CEP112: variants seen among roughly 807,000 people sequenced by gnomAD.
The protein encoded by CEP112 is centrosomal protein 112, also known as centrosomal protein of 112 kDa.
CEP112 carries 127 observed loss-of-function variants against 153.0 expected under a neutral mutation model. The observed-to-expected ratio is 0.83, with a 90% CI of 0.72 to 0.96. CEP112 has a LOEUF of 0.96. CEP112 is among the 40% of genes least tolerant of loss of function. The pLI, the probability that CEP112 is intolerant of heterozygous loss-of-function variation, is 0.00. For missense variants in CEP112, 1,089 were observed against 1,101.2 expected, an observed-to-expected ratio of 0.99 and a Z score of 0.16; for synonymous variants, 358 against 374.4, an observed-to-expected ratio of 0.96 and a Z score of 0.51.
chr17:65,707,986 T>G (rs571325626), intron 23 of CEP112, among the ~76,000 whole-genome samples: 1 of 152,302 alleles, frequency 6.6e-6, no homozygotes, highest in African/African-American at 2.4e-5. Context: ...TAGTTGAAAA[T>G]GTGTTCAACC....
chr17:66,014,242 C>T (rs918084912), intron 16 of CEP112, among the ~76,000 whole-genome samples: 3 of 152,104 alleles, frequency 2.0e-5, no homozygotes, highest in African/African-American at 7.2e-5. Flanking sequence ...GTGGGGGCCA[C>T]TCTGCTGGAG....
At chr17:65,877,564 G>C (rs924150405) in intron 20 of CEP112, among the ~76,000 whole-genome samples, 2 of 152,028 alleles carry the variant, frequency 1.3e-5, no homozygotes, top group African/African-American at 4.8e-5. Flanking sequence ...TGCCATAAAT[G>C]GTCTCAGGGA....
chr17:66,028,562 GA>G (rs1246910893), intron 14 of CEP112, among the ~76,000 whole-genome samples, 157 bp from the exon 15 acceptor site: 8 of 151,476 alleles, frequency 5.3e-5, no homozygotes, highest in Non-Finnish European at 4.4e-5. Flanking sequence ...AAAGATACTA[GA>G]AAAAATAATC....
intron 2 of CEP112, among the ~76,000 whole-genome samples, chr17:66,177,706 T>C (rs9899047): frequency 0.3 from 45,939 of 151,992 alleles, 7,101 homozygotes; most frequent in Non-Finnish European, 0.33. Flanking sequence ...TAACCATCCC[T>C]ACTTCCTCCC....
chr17:66,098,872 T>C (rs1243133131), intron 6 of CEP112, among the ~76,000 whole-genome samples: 1 of 152,074 alleles, frequency 6.6e-6, no homozygotes, highest in African/African-American at 2.4e-5. Context: ...TCAGCAGAAT[T>C]AGATCCTGAG....
chr17:65,671,474 G>A (rs1567841708), intron 24 of CEP112, among the ~76,000 whole-genome samples: 1 of 152,174 alleles, frequency 6.6e-6, no homozygotes, highest in Non-Finnish European at 1.5e-5. Context: ...AGAGGACTTG[G>A]AGGCTTTCTG....
At chr17:66,124,001 C>T (rs2069722954) in intron 6 of CEP112, among the ~76,000 whole-genome samples, 2 of 152,200 alleles carry the variant, frequency 1.3e-5, no homozygotes. Context: ...AATTCCATCT[C>T]TCCTACGGAC....
chr17:65,783,258 GTAA>G (rs899302590), intron 21 of CEP112, among the ~76,000 whole-genome samples: 2 of 152,108 alleles, frequency 1.3e-5, no homozygotes, highest in Non-Finnish European at 2.9e-5. Flanking sequence ...AATGGCAATA[GTAA>G]TAATAATAAT....
At chr17:66,097,547 C>T (rs1440946619) in intron 6 of CEP112, among the ~76,000 whole-genome samples, 1 of 152,126 alleles carries the variant, frequency 6.6e-6, no homozygotes, top group African/African-American at 2.4e-5. Flanking sequence ...TACCTGATTC[C>T]ACCTTCTTAT....
chr17:65,983,044 G>T (rs2063285188), intron 17 of CEP112, among the ~76,000 whole-genome samples: 1 of 152,170 alleles, frequency 6.6e-6, no homozygotes, highest in African/African-American at 2.4e-5. Flanking sequence ...CAGAATGGTG[G>T]TTAGGAGGAT....
intron 23 of CEP112, among the ~76,000 whole-genome samples, chr17:65,738,492 T>A (rs915590124): frequency 6.6e-6 from 1 of 152,178 alleles, no homozygotes; most frequent in African/African-American, 2.4e-5. Flanking sequence ...ATCAATAGTA[T>A]TCATTTCAAA....
At chr17:65,698,764 T>A (rs1379318922) in intron 23 of CEP112, among the ~76,000 whole-genome samples, 1 of 152,100 alleles carries the variant, frequency 6.6e-6, no homozygotes, top group African/African-American at 2.4e-5. Context: ...CAGCTAGGAT[T>A]TTGCAAGATC....
chr17:66,070,215 T>C (rs2067260743), intron 8 of CEP112, among the ~76,000 whole-genome samples: 1 of 152,098 alleles, frequency 6.6e-6, no homozygotes, highest in African/African-American at 2.4e-5. Context: ...TTAAAATAAA[T>C]TTCACCTGGT....
chr17:65,682,142 T>C (rs2047563118), intron 24 of CEP112, among the ~76,000 whole-genome samples: 1 of 151,726 alleles, frequency 6.6e-6, no homozygotes, highest in African/African-American at 2.4e-5. Flanking sequence ...TATAGGCACC[T>C]GCCACCGCGC....
At chr17:65,927,049 G>A (rs77930364) in intron 19 of CEP112, among the ~76,000 whole-genome samples, 5,730 of 152,242 alleles carry the variant, frequency 0.038, 322 homozygotes, top group African/African-American at 0.12. Flanking sequence ...GGGCGGATCC[G>A]TCATGAATGG....
chr17:66,023,213 C>G (rs981391746), intron 16 of CEP112, among the ~76,000 whole-genome samples: 5 of 152,000 alleles, frequency 3.3e-5, no homozygotes, highest in South Asian at 2.1e-4. Flanking sequence ...AGAAGTGCAA[C>G]AAACACTAGA....
At chr17:65,866,354 G>T (rs1280462852) in intron 20 of CEP112, among the ~76,000 whole-genome samples, 1 of 152,256 alleles carries the variant, frequency 6.6e-6, no homozygotes, top group Non-Finnish European at 1.5e-5. Context: ...GGCATGGGAG[G>T]GAGGCCAAGG....
intron 8 of CEP112, 105 bp from the exon 9 acceptor site, chr17:66,070,106 T>C: frequency 1.5e-6 from 1 of 650,604 alleles, no homozygotes; most frequent in Non-Finnish European, 2.7e-6. Context: ...GTTATCATTT[T>C]CCACCTTTAC....
intron 24 of CEP112, among the ~76,000 whole-genome samples, chr17:65,686,415 C>G (rs962443383): frequency 1.3e-5 from 2 of 152,206 alleles, no homozygotes; most frequent in Non-Finnish European, 2.9e-5. Flanking sequence ...TTTCCCTACT[C>G]TCAATATATT....
Sources: allele counts gnomAD v4.1 joint callset (sites outside exome capture counted in the v4.1 genomes callset), GRCh38; gene constraint gnomAD v4.1.1; transcripts MANE v1.5; gene names NCBI Gene and HGNC (gene_info 2026-07-23, HGNC 2026-07-21).